The following LRP1B variants were observed in gnomAD, a reference collection of about 807,000 sequenced individuals.
The protein encoded by LRP1B is low-density lipoprotein receptor-related protein 1B.
A neutral mutation model predicts 556.6 loss-of-function variants in LRP1B; 217 were observed. The observed-to-expected ratio is 0.39, with a 90% CI of 0.35 to 0.44. LRP1B has a LOEUF of 0.44. Ranked by LOEUF, LRP1B falls within the 20% of genes least tolerant of loss-of-function variation. The pLI is 1.00. For synonymous variants in LRP1B, 2,047 were observed against 1,865.8 expected, an observed-to-expected ratio of 1.10 and a Z score of -2.50; for missense variants, 5,053 against 5,620.8, an observed-to-expected ratio of 0.90 and a Z score of 3.23.
At chr2:141,113,543 C>T (rs899254399) in intron 7 of LRP1B, among the ~76,000 whole-genome samples, 2 of 151,948 alleles carry the variant, frequency 1.3e-5, no homozygotes, top group African/African-American at 2.4e-5. Context: ...CATTTTAATT[C>T]TATACTGTAT....
intron 2 of LRP1B, among the ~76,000 whole-genome samples, chr2:141,504,133 C>T (rs1683829418): frequency 6.6e-6 from 1 of 152,046 alleles, no homozygotes; most frequent in Non-Finnish European, 1.5e-5. Flanking sequence ...TGCTGACACA[C>T]TCGTATTTTT....
At chr2:142,095,818 C>T (rs114495572) in intron 1 of LRP1B, among the ~76,000 whole-genome samples, 1,534 of 151,570 alleles carry the variant, frequency 0.01, 26 homozygotes, top group African/African-American at 0.035. Context: ...ATTAGAAAAC[C>T]CCTAGGTTTA....
chr2:141,933,528 A>G (rs562201576), intron 1 of LRP1B, among the ~76,000 whole-genome samples: 1 of 152,298 alleles, frequency 6.6e-6, no homozygotes, highest in Admixed American at 6.5e-5. Flanking sequence ...TGACAACACC[A>G]AAGAGCTACA....
intron 11 of LRP1B, among the ~76,000 whole-genome samples, chr2:141,035,826 G>A (rs181015825): frequency 1.3e-5 from 2 of 152,198 alleles, no homozygotes; most frequent in Non-Finnish European, 2.9e-5. Context: ...GCCTTTATGT[G>A]TAAACTGTGG....
At chr2:141,160,575 AG>A (rs1338703761) in intron 7 of LRP1B, among the ~76,000 whole-genome samples, 1 of 152,130 alleles carries the variant, frequency 6.6e-6, no homozygotes, top group Admixed American at 6.6e-5. Flanking sequence ...AGCAATAAAA[AG>A]GAATACACCA....
intron 66 of LRP1B, among the ~76,000 whole-genome samples, chr2:140,433,975 G>T (rs1258356709): frequency 6.6e-6 from 1 of 152,078 alleles, no homozygotes; most frequent in Non-Finnish European, 1.5e-5. Flanking sequence ...ATCCATGGGA[G>T]TGAGAAACCT....
intron 1 of LRP1B, among the ~76,000 whole-genome samples, chr2:141,924,525 G>A (rs764986967): frequency 2.0e-5 from 3 of 152,154 alleles, no homozygotes; most frequent in African/African-American, 7.2e-5. Flanking sequence ...CATCGAGCTG[G>A]TTAACACTTA....
intron 1 of LRP1B, among the ~76,000 whole-genome samples, chr2:141,989,318 CCT>C (rs1702280654): frequency 6.6e-6 from 1 of 151,742 alleles, no homozygotes; most frequent in Admixed American, 6.6e-5. Flanking sequence ...ATGATTTCTT[CCT>C]CTGATGACTT....
intron 1 of LRP1B, among the ~76,000 whole-genome samples, chr2:141,853,635 C>A (rs780757551): frequency 1.3e-5 from 2 of 151,708 alleles, no homozygotes; most frequent in Non-Finnish European, 3.0e-5. Context: ...CATATTTAAG[C>A]TTAAGTTTTT....
At chr2:140,240,206 T>C (rs1259482404) in intron 87 of LRP1B, among the ~76,000 whole-genome samples, 1 of 146,304 alleles carries the variant, frequency 6.8e-6, no homozygotes, top group African/African-American at 2.4e-5. Context: ...CTCTTTCTCA[T>C]GTTCTAGTTT....
At chr2:141,910,030 T>C (rs1184475551) in intron 1 of LRP1B, among the ~76,000 whole-genome samples, 2 of 151,944 alleles carry the variant, frequency 1.3e-5, no homozygotes, top group Non-Finnish European at 2.9e-5. Context: ...AGGTGCTATT[T>C]CATAAGAATA....
Position 140,495,766 on chromosome 2 carries a change from A to G in LRP1B, c.8851-18T>C. 6.3e-7 allele frequency: 1 copy of G among 1,587,002 alleles called. No homozygotes were observed. The highest frequency in any genetic ancestry group is 2.3e-5 in the East Asian group (1 of 44,258). ...CATTTGCACTGGGAAAAGAAAAATG[A>G]GCATAATCAATTCATATCATTGTCA... On this transcript the variant is annotated intron_variant, in intron 55 of 90. Transcript: ENST00000389484.
chr2:140,546,335 G>A (rs897928989), intron 43 of LRP1B, among the ~76,000 whole-genome samples: 1 of 152,046 alleles, frequency 6.6e-6, no homozygotes, highest in East Asian at 1.9e-4. Flanking sequence ...GGGTTGGTGA[G>A]AGAGGGCATC....
At position 140,402,169 on chromosome 2, in the gene LRP1B, G is replaced by A. The variant is rs746805706; in HGVS notation, c.10415-16160C>T. Among the ~76,000 whole-genome samples the A allele has an allele frequency of 1.1e-3, 161 of 152,244 alleles. 1 individual carries two copies. The highest frequency in any genetic ancestry group is 2.0e-3 in the Non-Finnish European group (137 of 68,016). ...AAACTCCTACTCCCAGGGTAGGTGC[G>A]GAGAACCACATCAAGGGAACACCCC... is the stretch of plus-strand genomic sequence containing the variant. On this transcript the variant is annotated intron_variant, in intron 66 of 90. Coordinates refer to ENST00000389484, the MANE Select transcript of LRP1B (RefSeq NM_018557.3).
intron 7 of LRP1B, among the ~76,000 whole-genome samples, chr2:141,082,039 T>C (rs1255887716): frequency 2.0e-5 from 3 of 152,158 alleles, no homozygotes; most frequent in Non-Finnish European, 4.4e-5. Context: ...AAAAATATGA[T>C]CTAGTCATGA....
In LRP1B at chr2:140,622,048, A is replaced by T. The variant is rs1024809341; in HGVS notation, c.6800-20409T>A. Among the ~76,000 whole-genome samples, 6 of 152,192 alleles carry T rather than the reference A, an allele frequency of 3.9e-5. No individual in the cohort carries two copies. The East Asian group carries it at 7.7e-4, about 20-fold the overall frequency. On this transcript the variant is annotated intron_variant, in intron 41 of 90. Transcript: ENST00000389484. ...TTCTTGTAAGCTAACTTATTTTCTC[A>T]TTCAATTTATTTACTTCATCAAATT...
chr2:142,050,530 A>G (rs1704418492), intron 1 of LRP1B, among the ~76,000 whole-genome samples: 1 of 152,148 alleles, frequency 6.6e-6, no homozygotes, highest in African/African-American at 2.4e-5. Flanking sequence ...ATATCCTACA[A>G]TTCAATTTTT....
At chr2:140,742,564 C>T (rs911170834) in intron 35 of LRP1B, among the ~76,000 whole-genome samples, 2 of 152,016 alleles carry the variant, frequency 1.3e-5, no homozygotes, top group African/African-American at 2.4e-5. Flanking sequence ...AAACACTTTA[C>T]ATGGTACCAT....
At chr2:141,556,869 C>T (rs903395704) in intron 2 of LRP1B, among the ~76,000 whole-genome samples, 7 of 151,704 alleles carry the variant, frequency 4.6e-5, no homozygotes, top group Non-Finnish European at 1.0e-4. Context: ...TGCTCCAGGT[C>T]CCATAGCAAG....
Sources: allele counts gnomAD v4.1 joint callset (sites outside exome capture counted in the v4.1 genomes callset), GRCh38; gene constraint gnomAD v4.1.1; transcripts MANE v1.5; gene names NCBI Gene and HGNC (gene_info 2026-07-23, HGNC 2026-07-21).